The following GLRA3 variants were observed in gnomAD, a reference collection of about 807,000 sequenced individuals.
GLRA3 encodes glycine receptor subunit alpha-3.
In GLRA3, 44 loss-of-function variants were observed where a neutral mutation model predicts 60.4. The observed-to-expected ratio is 0.73, with a 90% CI of 0.57 to 0.94. The LOEUF is 0.94. Ranked by LOEUF, GLRA3 falls within the 40% of genes least tolerant of loss-of-function variation. The pLI is 0.00. For missense variants in GLRA3, 508 were observed against 564.6 expected, an observed-to-expected ratio of 0.90 and a Z score of 1.02; for synonymous variants, 223 against 192.9, an observed-to-expected ratio of 1.16 and a Z score of -1.29.
intron 5 of GLRA3, among the ~76,000 whole-genome samples, chr4:174,699,855 C>A (rs896650516): frequency 2.7e-5 from 4 of 150,096 alleles, no homozygotes; most frequent in African/African-American, 9.7e-5. Context: ...ATAATTAATG[C>A]ATTAATTATT....
chr4:174,827,236 A>G (rs1741012269), intron 1 of GLRA3, among the ~76,000 whole-genome samples: 1 of 151,928 alleles, frequency 6.6e-6, no homozygotes, highest in Non-Finnish European at 1.5e-5. Context: ...ATTGGACAAA[A>G]GTCAGAGAAT....
intron 1 of GLRA3, among the ~76,000 whole-genome samples, chr4:174,794,163 T>A (rs769163897): frequency 2.6e-5 from 4 of 152,118 alleles, no homozygotes; most frequent in Non-Finnish European, 5.9e-5. Context: ...AAAATCACAT[T>A]TTTCTCATCT....
intron 3 of GLRA3, among the ~76,000 whole-genome samples, chr4:174,766,248 T>C (rs1202144892): frequency 6.6e-6 from 1 of 152,012 alleles, no homozygotes; most frequent in East Asian, 1.9e-4. Context: ...CTAGCTAATT[T>C]AAGAATCATC....
intron 5 of GLRA3, among the ~76,000 whole-genome samples, chr4:174,700,049 A>T (rs2111044422): frequency 6.6e-6 from 1 of 152,284 alleles, no homozygotes; most frequent in Non-Finnish European, 1.5e-5. Flanking sequence ...CTCAAGGTAC[A>T]GAGTTTGTAT....
intron 5 of GLRA3, among the ~76,000 whole-genome samples, chr4:174,702,324 T>C (rs1433722783): frequency 6.6e-6 from 1 of 152,202 alleles, no homozygotes; most frequent in African/African-American, 2.4e-5. Flanking sequence ...GATATGTACA[T>C]TATTTTTAGA....
chr4:174,720,013 T>C (rs1292954138), intron 4 of GLRA3, among the ~76,000 whole-genome samples: 1 of 152,208 alleles, frequency 6.6e-6, no homozygotes, highest in Non-Finnish European at 1.5e-5. Context: ...TGATTATATT[T>C]AGCTTAAATA....
rs1311350478 is a variant in GLRA3, at chr4:174,756,645, T to C, written c.267+10318A>G. Among the ~76,000 whole-genome samples the C allele has an allele frequency of 1.1e-4, 3 of 26,952 alleles. No homozygotes were observed. The Admixed American group carries it at 2.0e-3, about 18-fold the overall frequency. The allele number at this position is 26,952 out of a possible 152,430, so 17.7% of individuals were successfully genotyped here. A position where few individuals can be genotyped will look rare whatever the true frequency, so the allele number is the denominator to read the frequency against. The stretch of plus-strand genomic sequence containing the variant: ...AACCTACAGTTAATGCCATTCTTTT[T>C]TTTCTTTTTTTTTTTTTGAGACAGA... On this transcript the variant is annotated intron_variant, in intron 3 of 9. Transcript: ENST00000274093.
chr4:174,709,249 A>G (rs1210835843), intron 5 of GLRA3, among the ~76,000 whole-genome samples: 1 of 152,038 alleles, frequency 6.6e-6, no homozygotes, highest in Non-Finnish European at 1.5e-5. Context: ...TTCACTAGGA[A>G]CTTTCCTCAG....
chr4:174,715,075 C>T (rs947855858), intron 5 of GLRA3, among the ~76,000 whole-genome samples: 9 of 152,176 alleles, frequency 5.9e-5, no homozygotes, highest in Non-Finnish European at 1.3e-4. Flanking sequence ...CTCAACCATT[C>T]AACATGACCA....
At chr4:174,724,844 C>G (rs2111122416) in intron 4 of GLRA3, among the ~76,000 whole-genome samples, 1 of 152,254 alleles carries the variant, frequency 6.6e-6, no homozygotes, top group Middle Eastern at 3.4e-3. Context: ...ATATTTGTAG[C>G]TTCTTTCTGG....
At chr4:174,716,753 A>C (rs531546297) in intron 4 of GLRA3, among the ~76,000 whole-genome samples, 1 of 152,288 alleles carries the variant, frequency 6.6e-6, no homozygotes, top group South Asian at 2.1e-4. Context: ...AACACACATA[A>C]GTGCTTAGAC....
intron 3 of GLRA3, among the ~76,000 whole-genome samples, chr4:174,732,765 C>CTT (rs1417344583): frequency 6.9e-6 from 1 of 144,010 alleles, no homozygotes; most frequent in East Asian, 2.0e-4. Flanking sequence ...CAATTTCTCT[C>CTT]TCTCTCTCTC....
At chr4:174,821,087 A>G (rs760135379) in intron 1 of GLRA3, among the ~76,000 whole-genome samples, 1 of 152,332 alleles carries the variant, frequency 6.6e-6, no homozygotes. Context: ...AACAAAGTCA[A>G]CAGAGTCTAA....
chr4:174,725,466 T>G (rs1485182251), intron 4 of GLRA3, among the ~76,000 whole-genome samples: 2 of 152,212 alleles, frequency 1.3e-5, no homozygotes, highest in African/African-American at 4.8e-5. Context: ...TTAAAGTCTT[T>G]GCCAGATATC....
intron 5 of GLRA3, among the ~76,000 whole-genome samples, chr4:174,707,548 C>T (rs916513167): frequency 6.6e-6 from 1 of 151,818 alleles, no homozygotes; most frequent in Non-Finnish European, 1.5e-5. Context: ...TCTGCAGTCT[C>T]GGTTTAGGCC....
At chr4:174,646,416 C>A (rs994536787) in intron 9 of GLRA3, among the ~76,000 whole-genome samples, 6 of 152,144 alleles carry the variant, frequency 3.9e-5, no homozygotes, top group African/African-American at 1.4e-4. Context: ...CTGAGAATGA[C>A]CCCTGATTCC....
intron 1 of GLRA3, among the ~76,000 whole-genome samples, chr4:174,820,159 A>AT (rs1227575058): frequency 2.0e-5 from 3 of 152,254 alleles, no homozygotes; most frequent in Admixed American, 6.5e-5. Context: ...ATTTTTAGAT[A>AT]TTTTTTTCTA....
At chr4:174,800,556 C>T (rs907686187) in intron 1 of GLRA3, among the ~76,000 whole-genome samples, 17 of 152,156 alleles carry the variant, frequency 1.1e-4, no homozygotes, top group African/African-American at 4.1e-4. Context: ...AGGGTCATTC[C>T]TATAAGCATT....
intron 1 of GLRA3, among the ~76,000 whole-genome samples, chr4:174,822,382 A>C (rs963423039): frequency 6.6e-6 from 1 of 152,192 alleles, no homozygotes; most frequent in African/African-American, 2.4e-5. Flanking sequence ...TCATAAGTGG[A>C]GAAAATCCCC....
Sources: allele counts gnomAD v4.1 joint callset (sites outside exome capture counted in the v4.1 genomes callset), GRCh38; gene constraint gnomAD v4.1.1; transcripts MANE v1.5; gene names NCBI Gene and HGNC (gene_info 2026-07-23, HGNC 2026-07-21).